Variants in CPPED1 observed in about 807,000 individuals in gnomAD.
CPPED1 encodes the protein serine/threonine-protein phosphatase CPPED1.
CPPED1 carries 28 observed loss-of-function variants against 28.0 expected under a neutral mutation model. The observed-to-expected ratio is 1.00, with a 90% CI of 0.74 to 1.37. The LOEUF is 1.37. CPPED1 is among the 40% of genes most tolerant of loss of function. The pLI is 0.00. For missense variants in CPPED1, 504 were observed against 416.5 expected (o/e 1.21, Z -1.83); for synonymous variants, 198 against 180.2 (o/e 1.10, Z -0.79).
chr16:12,749,464 C>A (rs1157597501), intron 2 of CPPED1, among the ~76,000 whole-genome samples: 1 of 152,148 alleles, frequency 6.6e-6, no homozygotes, highest in African/African-American at 2.4e-5. Context: ...CTATCTCTAC[C>A]ACATCTGCAG....
chr16:12,709,260 AG>A lies in CPPED1; in HGVS notation c.290-4212del, dbSNP rs1321157702. Reference sequence around the variant, plus strand: ...GGACAGGAAGAAAGGCAGGGAAACAAGGGGAAAGACTCTGAAAAATGGCAAG... The same window carrying A: ...GGACAGGAAGAAAGGCAGGGAAACAAGGGAAAGACTCTGAAAAATGGCAAG... On this transcript the variant is annotated intron_variant, in intron 2 of 3. Transcript: ENST00000381774. This position sits in a 1 kb window ranked among gnomAD's most constrained non-coding sequence, Gnocchi z 4.4. 7.2e-5 allele frequency among the ~76,000 whole-genome samples: 11 copies of A among 152,194 alleles called. No individual in the cohort carries two copies. Among genetic ancestry groups the A allele is most frequent in the African/African-American group, 2.7e-4 (11 of 41,448 alleles).
chr16:12,710,685 A>C (rs1346333839), intron 2 of CPPED1, among the ~76,000 whole-genome samples: 1 of 152,220 alleles, frequency 6.6e-6, no homozygotes, highest in African/African-American at 2.4e-5. Context: ...AGGATTGAAC[A>C]GACATTTCTC....
In CPPED1 at chr16:12,682,918, T is replaced by A. The variant is rs2079913262; in HGVS notation, c.716-17803A>T. The stretch of plus-strand genomic sequence containing the variant: ...ATTTTCTAGATTTCCATGCTCTATC[T>A]TAAACACAGCTGTCAGGACAAGAGG... On this transcript the variant is annotated intron_variant, in intron 3 of 3. Coordinates refer to ENST00000381774, the MANE Select transcript of CPPED1 (RefSeq NM_018340.3). This position sits in a 1 kb window ranked among gnomAD's most constrained non-coding sequence, Gnocchi z 6.1. Among the ~76,000 whole-genome samples, 1 of 152,264 alleles carries A rather than the reference T, an allele frequency of 6.6e-6. No homozygotes were observed. Among genetic ancestry groups the A allele is most frequent in the Non-Finnish European group, 1.5e-5 (1 of 68,048 alleles).
chr16:12,708,071 C>G (rs373842272), intron 2 of CPPED1, among the ~76,000 whole-genome samples: 4 of 152,074 alleles, frequency 2.6e-5, no homozygotes, highest in African/African-American at 9.7e-5. Flanking sequence ...CGCTTGAACC[C>G]GGGAGGCAGA....
chr16:12,766,256 T>TATATATATATATAGAG, intron 2 of CPPED1, among the ~76,000 whole-genome samples: 5 of 134,288 alleles, frequency 3.7e-5, no homozygotes, highest in African/African-American at 1.7e-4. Context: ...TATATATATA[T>TATATATATATATAGAG]AGAGAGAGAG....
chr16:12,694,290 C>T (rs1228708767), intron 3 of CPPED1, among the ~76,000 whole-genome samples: 2 of 152,166 alleles, frequency 1.3e-5, no homozygotes, highest in East Asian at 3.8e-4. Context: ...CTGTTTTGTT[C>T]ATCCCTCCAT....
At chr16:12,803,421 C>T (rs2080672709) in intron 1 of CPPED1, among the ~76,000 whole-genome samples, 1 of 152,364 alleles carries the variant, frequency 6.6e-6, no homozygotes, top group East Asian at 1.9e-4. Flanking sequence ...AGAGTCCAAG[C>T]TGTCATTAAC....
chr16:12,757,422 G>T (rs551610512), intron 2 of CPPED1: 1 of 151,706 alleles, frequency 6.6e-6, no homozygotes, highest in Non-Finnish European at 1.5e-5. Flanking sequence ...TACTTACATG[G>T]GGAAAATAAA....
intron 1 of CPPED1, 48 bp downstream of exon 1, chr16:12,803,659 G>A (rs1432603500): frequency 1.6e-5 from 22 of 1,401,796 alleles, no homozygotes; most frequent in Non-Finnish European, 2.1e-5. Context: ...CCCGGCGGAA[G>A]GTTCCGCAGC....
chr16:12,703,054 T>G (rs1195453565), intron 3 of CPPED1, among the ~76,000 whole-genome samples: 1 of 150,220 alleles, frequency 6.7e-6, no homozygotes, highest in Non-Finnish European at 1.5e-5. Flanking sequence ...ATGAAAGGAA[T>G]CACTTCAATG....
intron 3 of CPPED1, among the ~76,000 whole-genome samples, chr16:12,681,094 T>C (rs73504068): frequency 0.01 from 1,563 of 152,170 alleles, 23 homozygotes; most frequent in African/African-American, 0.036. Context: ...TGAAGAGATT[T>C]CTTTGCTTTA....
intron 2 of CPPED1, among the ~76,000 whole-genome samples, chr16:12,737,174 A>G (rs138902363): frequency 0.01 from 1,539 of 152,274 alleles, 19 homozygotes; most frequent in Non-Finnish European, 0.017. Context: ...TGGGCGAGAG[A>G]GTGAGACCAT....
intron 3 of CPPED1, among the ~76,000 whole-genome samples, chr16:12,687,029 A>G (rs1353313938): frequency 6.6e-6 from 1 of 152,148 alleles, no homozygotes; most frequent in African/African-American, 2.4e-5. Flanking sequence ...TGCTTCTTAC[A>G]TTTCTATCAT....
intron 3 of CPPED1, among the ~76,000 whole-genome samples, chr16:12,685,953 C>A (rs1284950201): frequency 6.6e-6 from 1 of 152,168 alleles, no homozygotes; most frequent in Non-Finnish European, 1.5e-5. Context: ...AGAAGTCCAG[C>A]CTAAGGAATG....
chr16:12,695,413 T>C (rs778332083), intron 3 of CPPED1, among the ~76,000 whole-genome samples: 6 of 148,450 alleles, frequency 4.0e-5, no homozygotes, highest in Non-Finnish European at 7.4e-5. Context: ...CACAGGTGCA[T>C]ACTATTATGC....
In CPPED1 at chr16:12,735,891, T is replaced by C. The variant is rs192260959; in HGVS notation, c.290-30842A>G. 5.6e-3 allele frequency among the ~76,000 whole-genome samples: 860 copies of C among 152,344 alleles called. 5 individuals carry two copies. The highest frequency in any genetic ancestry group is 0.031 in the Middle Eastern group (9 of 294). ...ACTAAAAAGAGGCCTGCATCCCCAGTGCCCCAGTAAGGAAAGAAAGTTATA... is the reference window on the plus strand; with the variant it reads ...ACTAAAAAGAGGCCTGCATCCCCAGCGCCCCAGTAAGGAAAGAAAGTTATA... On this transcript the variant is annotated intron_variant, in intron 2 of 3. Transcript: ENST00000381774.
intron 1 of CPPED1, among the ~76,000 whole-genome samples, chr16:12,783,586 T>C (rs139999496): frequency 3.9e-5 from 6 of 152,276 alleles, no homozygotes; most frequent in Non-Finnish European, 8.8e-5. Flanking sequence ...GAGATCTAAA[T>C]GGCAAGTAAG....
At chr16:12,792,967 C>A (rs2080605803) in intron 1 of CPPED1, among the ~76,000 whole-genome samples, 1 of 152,132 alleles carries the variant, frequency 6.6e-6, no homozygotes, top group South Asian at 2.1e-4. Flanking sequence ...GCTCTCCATT[C>A]CACCAACTCT....
In CPPED1 at chr16:12,803,702, A is replaced by G. The variant is rs2080675256; in HGVS notation, c.70+5T>C. 6.4e-7 allele frequency: 1 copy of G among 1,565,704 alleles called. No homozygotes were observed. Among genetic ancestry groups the G allele is most frequent in the African/African-American group, 1.4e-5 (1 of 71,812 alleles). On this transcript the variant is annotated splice_donor_5th_base_variant and intron_variant, in intron 1 of 3. Transcript: ENST00000381774. ...TCCCCTCCCCGGGTGAGGGGCGGGC[A>G]GTACCTGCGGGAAACGCGGCCAGGG...
Sources: gnomAD v4.1 joint callset for allele counts (sites outside exome capture counted in the v4.1 genomes callset) on GRCh38, gnomAD v4.1.1 for gene constraint, Gnocchi (gnomAD v3.1) non-coding constraint, MANE v1.5 for transcripts, NCBI Gene and HGNC (gene_info 2026-07-23, HGNC 2026-07-21) for gene names.